PKNOX2: variants seen among roughly 807,000 people sequenced by gnomAD.
The protein encoded by PKNOX2 is homeobox protein PKNOX2.
A neutral mutation model predicts 53.1 loss-of-function variants in PKNOX2; 14 were observed. The ratio of observed to expected loss-of-function variants is 0.26; its 90% CI spans 0.17 to 0.41. The LOEUF (loss-of-function observed/expected upper bound fraction) is 0.41. Ranked by LOEUF, PKNOX2 falls within the 10% of genes least tolerant of loss-of-function variation. The probability of loss-of-function intolerance (pLI) is 1.00; values close to 1 mark genes in which losing one functional copy is unlikely to be tolerated. For missense variants in PKNOX2, 496 were observed against 602.8 expected (o/e 0.82, Z 1.85); for synonymous variants, 257 against 242.8 (o/e 1.06, Z -0.54).
intron 2 of PKNOX2, among the ~76,000 whole-genome samples, chr11:125,331,075 C>T (rs1021756693): frequency 3.3e-5 from 5 of 151,878 alleles, no homozygotes; most frequent in Non-Finnish European, 7.4e-5. Flanking sequence ...GCAACTCATC[C>T]ACAAGGAGAA....
chr11:125,283,861 A>C (rs969742250), intron 2 of PKNOX2, among the ~76,000 whole-genome samples: 2 of 152,170 alleles, frequency 1.3e-5, no homozygotes, highest in African/African-American at 4.8e-5. Context: ...AAATCAGTCA[A>C]GTATTATAAT....
At position 125,419,742 on chromosome 11, in the gene PKNOX2, C is replaced by T. The variant is rs1016848079; in HGVS notation, c.936+7877C>T. On this transcript the variant is annotated intron_variant, in intron 10 of 12. Coordinates refer to ENST00000298282, the MANE Select transcript of PKNOX2 (RefSeq NM_001382323.2). Reference sequence around the variant, plus strand: ...ACTATTCCCACTCAGCTAAGATCAGCTTCATGGGAAGAATGGGGCCAGGCA... The same window carrying T: ...ACTATTCCCACTCAGCTAAGATCAGTTTCATGGGAAGAATGGGGCCAGGCA... Among the ~76,000 whole-genome samples the T allele has an allele frequency of 1.7e-4, 26 of 151,864 alleles. 1 individual carries two copies. The highest frequency in any genetic ancestry group is 1.3e-4 in the Admixed American group (2 of 15,260).
intron 1 of PKNOX2, among the ~76,000 whole-genome samples, chr11:125,203,960 G>A (rs1207872879): frequency 6.6e-6 from 1 of 152,224 alleles, no homozygotes; most frequent in Non-Finnish European, 1.5e-5. Context: ...GTAGAGAGAA[G>A]TACAAGCCTC....
intron 2 of PKNOX2, among the ~76,000 whole-genome samples, chr11:125,321,443 C>T (rs1297666744): frequency 3.3e-5 from 5 of 152,164 alleles, no homozygotes; most frequent in African/African-American, 1.2e-4. Context: ...CTTATAATAC[C>T]TAATACAATG....
At position 125,351,505 on chromosome 11, in the gene PKNOX2, C is replaced by T. The variant is rs1012109390; in HGVS notation, c.87+113C>T. ...GGCCGACGGGCAGAGCCAGGCCTCC[C>T]GCAATCACGTCCTGGTGGCACTCCG... On this transcript the variant is annotated intron_variant, in intron 4 of 12. Transcript: ENST00000298282. The T allele has an allele frequency of 1.3e-5, 9 of 687,992 alleles. No individual in the cohort carries two copies. In the East Asian group the frequency reaches 1.4e-4, roughly 10 times the overall value. 42.6% of individuals were successfully genotyped at this position (687,992 alleles called of 1,614,324 possible). A position where few individuals can be genotyped will look rare whatever the true frequency, so the allele number is the denominator to read the frequency against.
At chr11:125,221,410 C>T (rs994025951) in intron 1 of PKNOX2, among the ~76,000 whole-genome samples, 1 of 152,166 alleles carries the variant, frequency 6.6e-6, no homozygotes, top group South Asian at 2.1e-4. Context: ...GGCACATTTA[C>T]CCCCTTTGGT....
intron 6 of PKNOX2, among the ~76,000 whole-genome samples, chr11:125,395,772 T>G (rs1186955137): frequency 3.3e-5 from 5 of 152,140 alleles, no homozygotes. Context: ...CTAATTGGGT[T>G]GCTTGTTATT....
At chr11:125,285,959 T>A (rs1946869089) in intron 2 of PKNOX2, among the ~76,000 whole-genome samples, 1 of 152,148 alleles carries the variant, frequency 6.6e-6, no homozygotes. Context: ...TTCACATTGG[T>A]AGCTTGAAAC....
chr11:125,349,691 A>G (rs908776899), intron 3 of PKNOX2, among the ~76,000 whole-genome samples: 3 of 152,168 alleles, frequency 2.0e-5, no homozygotes, highest in Non-Finnish European at 4.4e-5. Flanking sequence ...TTCTCTGCAC[A>G]GAGTTGGTGG....
At chr11:125,380,442 G>A (rs1051049581) in intron 5 of PKNOX2, among the ~76,000 whole-genome samples, 1 of 152,142 alleles carries the variant, frequency 6.6e-6, no homozygotes, top group African/African-American at 2.4e-5. Flanking sequence ...AGAGAAGAGC[G>A]AAGAAGGGGT....
At chr11:125,403,184 G>A (rs1179433409) in intron 7 of PKNOX2, among the ~76,000 whole-genome samples, 1 of 152,172 alleles carries the variant, frequency 6.6e-6, no homozygotes, top group African/African-American at 2.4e-5. Flanking sequence ...AGCCTACTGA[G>A]TTCTGGGGAT....
chr11:125,406,917 TAAAAAAAAAAAAAAAA>T (rs67687488), intron 7 of PKNOX2, among the ~76,000 whole-genome samples: 3 of 41,716 alleles, frequency 7.2e-5, no homozygotes, highest in African/African-American at 1.1e-4. Context: ...AATCTATGTC[TAAAAAAAAAAAAAAAA>T]AAAAAAAAAA....
intron 2 of PKNOX2, among the ~76,000 whole-genome samples, chr11:125,280,986 C>G (rs2135850031): frequency 6.6e-6 from 1 of 152,318 alleles, no homozygotes; most frequent in Admixed American, 6.5e-5. Context: ...AACTGGTGAC[C>G]TGAGTGACCG....
At chr11:125,425,246 C>T (rs1192423594) in intron 10 of PKNOX2, among the ~76,000 whole-genome samples, 1 of 152,192 alleles carries the variant, frequency 6.6e-6, no homozygotes, top group African/African-American at 2.4e-5. Context: ...CAAGGTCACA[C>T]AATGTTAAGG....
chr11:125,176,395 G>T (rs1343168420), intron 1 of PKNOX2, among the ~76,000 whole-genome samples: 1 of 152,224 alleles, frequency 6.6e-6, no homozygotes, highest in Non-Finnish European at 1.5e-5. Context: ...TAGACAGATG[G>T]GTTCCTGCCG....
intron 10 of PKNOX2, among the ~76,000 whole-genome samples, chr11:125,427,191 C>G (rs1350191869): frequency 6.6e-6 from 1 of 152,238 alleles, no homozygotes; most frequent in Non-Finnish European, 1.5e-5. Context: ...GTCCTTGCCT[C>G]TCTGCCCCCT....
intron 10 of PKNOX2, among the ~76,000 whole-genome samples, chr11:125,420,560 G>A (rs1956122444): frequency 6.6e-6 from 1 of 152,094 alleles, no homozygotes; most frequent in South Asian, 2.1e-4. Flanking sequence ...GCTTGTTGGT[G>A]GTAGAAGATG....
At chr11:125,189,920 T>C (rs1448816186) in intron 1 of PKNOX2, 1 of 143,236 alleles carries the variant, frequency 7.0e-6, no homozygotes, top group Non-Finnish European at 1.5e-5. Context: ...TTAATAGCTC[T>C]CTTTTCATTC....
intron 7 of PKNOX2, among the ~76,000 whole-genome samples, chr11:125,401,812 C>T (rs1294322042): frequency 6.6e-6 from 1 of 152,032 alleles, no homozygotes; most frequent in East Asian, 1.9e-4. Context: ...CACGCGGGCA[C>T]ATGCATTCGT....
Sources: gnomAD v4.1 joint callset for allele counts (sites outside exome capture counted in the v4.1 genomes callset) on GRCh38, gnomAD v4.1.1 for gene constraint, MANE v1.5 for transcripts, NCBI Gene and HGNC (gene_info 2026-07-23, HGNC 2026-07-21) for gene names.